The following SRCAP variants were observed in gnomAD, a reference collection of about 807,000 sequenced individuals.
SRCAP encodes Snf2 related CREBBP activator protein, also known as chromatin remodeling protein SRCAP.
A neutral mutation model predicts 263.1 loss-of-function variants in SRCAP; 46 were observed. The observed-to-expected ratio is 0.17, with a 90% CI of 0.14 to 0.22. The LOEUF is 0.22. SRCAP is among the 10% of genes least tolerant of loss of function. The probability of loss-of-function intolerance (pLI) is 1.00; values close to 1 mark genes in which losing one functional copy is unlikely to be tolerated. For synonymous variants in SRCAP, 1,813 were observed against 1,662.1 expected (o/e 1.09, Z -2.21); for missense variants, 3,695 against 4,181.9 (o/e 0.88, Z 3.21).
intron 21 of SRCAP, among the ~76,000 whole-genome samples, chr16:30,721,832 A>T (rs796354576): frequency 5.9e-5 from 9 of 152,338 alleles, no homozygotes; most frequent in African/African-American, 2.2e-4. Context: ...GTAGAAAAGT[A>T]TTGGGGTAAA....
At position 30,736,358 on chromosome 16, in the gene SRCAP, C is replaced by T. The variant is rs550188188; in HGVS notation, c.6888C>T (p.Ser2296=). 6.2e-7 allele frequency: 1 copy of T among 1,613,632 alleles called. No individual in the cohort carries two copies. The highest frequency in any genetic ancestry group is 1.7e-5 in the Admixed American group (1 of 59,974). Residue 2296 remains serine (S), a synonymous_variant, in exon 32 of 34, where the codon TCC becomes TCT. Transcript: ENST00000262518. ...GRPGAEDEEM[S]RAEQEIAALV... ...CTGGGGCTGAGGATGAGGAGATGTCCCGGGCTGAGCAGGAAATTGCTGCCC... is the reference window on the plus strand; with the variant it reads ...CTGGGGCTGAGGATGAGGAGATGTCTCGGGCTGAGCAGGAAATTGCTGCCC...
At position 30,737,305 on chromosome 16, in the gene SRCAP, GCAC is replaced by G. The variant is rs751855130; in HGVS notation, c.7272_7274del (p.Thr2425del). ...GTCATATCCGCCCATCAAACTCGCA[GCAC>G]CACCACACCACCCCGCTGCAGTCCT... On this transcript the variant is annotated inframe_deletion, in exon 34 of 34. Coordinates refer to ENST00000262518, the MANE Select transcript of SRCAP (RefSeq NM_006662.3). 1.2e-6 allele frequency: 2 copies of G among 1,614,054 alleles called. No homozygotes were observed. Among genetic ancestry groups the G allele is most frequent in the Non-Finnish European group, 1.7e-6 (2 of 1,180,002 alleles).
intron 16 of SRCAP, among the ~76,000 whole-genome samples, chr16:30,714,349 C>T (rs1368292037): frequency 6.6e-6 from 1 of 151,626 alleles, no homozygotes; most frequent in African/African-American, 2.4e-5. Flanking sequence ...TAGGCATGAG[C>T]CACCGCGCCC....
intron 14 of SRCAP, 52 bp from the exon 15 acceptor site, chr16:30,713,156 G>GCT: frequency 6.4e-7 from 1 of 1,569,444 alleles, no homozygotes; most frequent in Non-Finnish European, 8.7e-7. Flanking sequence ...TCTTCCCTTT[G>GCT]CTCTCTTCTT....
intron 6 of SRCAP, among the ~76,000 whole-genome samples, chr16:30,708,447 G>C (rs1251161857): frequency 6.6e-6 from 1 of 151,824 alleles, no homozygotes; most frequent in Non-Finnish European, 1.5e-5. Context: ...GTCACCTAGG[G>C]CAGTGGCGCA....
At chr16:30,718,981 C>G (rs2052981791) in intron 18 of SRCAP, among the ~76,000 whole-genome samples, 1 of 151,488 alleles carries the variant, frequency 6.6e-6, no homozygotes, top group South Asian at 2.1e-4. Context: ...ATTGCAACCT[C>G]TGCGTCTTGG....
intron 18 of SRCAP, among the ~76,000 whole-genome samples, chr16:30,719,059 A>G (rs1319600770): frequency 6.6e-6 from 1 of 151,154 alleles, no homozygotes; most frequent in Admixed American, 6.6e-5. Flanking sequence ...GTGCACAACC[A>G]TGCTGGTTGT....
chr16:30,712,835 C>T lies in SRCAP; in HGVS notation c.2130+20C>T, dbSNP rs374688004. The T allele has an allele frequency of 4.3e-6, 7 of 1,612,314 alleles. No individual in the cohort carries two copies. The highest frequency in any genetic ancestry group is 5.9e-6 in the Non-Finnish European group (7 of 1,179,022). On this transcript the variant is annotated intron_variant, in intron 14 of 33. Transcript: ENST00000262518. ...CGGCAGGTTCGATGTTTCATGTGGT[C>T]ACTTTCCTCCCATTGATGCCTCCTT...
At chr16:30,712,920 A>AT in intron 14 of SRCAP, 105 bp downstream of exon 14, 1 of 1,386,640 alleles carries the variant, frequency 7.2e-7, no homozygotes, top group Non-Finnish European at 9.6e-7. Context: ...TTTAAAAAAA[A>AT]TTTTTTAATT....
chr16:30,711,688 C>A lies in SRCAP; in HGVS notation c.1436C>A (p.Pro479Gln). 6.2e-7 allele frequency: 1 copy of A among 1,613,978 alleles called. No individual in the cohort carries two copies. The highest frequency in any genetic ancestry group is 8.5e-7 in the Non-Finnish European group (1 of 1,179,992). ...GATGCTAATAGCTCTGACTGTGAAC[C>A]AGAGGGGCCCGTGGAAGCGGAAGAG... ...EVDANSSDCE[P>Q]EGPVEAEEPP... is the part of the protein sequence containing the mutation. The change falls in exon 11 of 34, where the codon CCA becomes CAA. Residue 479 changes from proline to glutamine, a missense_variant. Physicochemically the swap from Pro to Gln is moderately conservative, Grantham distance 76 (BLOSUM62 -1). Around this residue, in one of 12 missense-constraint regions of SRCAP, gnomAD observed 288 missense variants for 302.4 expected, o/e 0.95. Coordinates refer to ENST00000262518, the MANE Select transcript of SRCAP (RefSeq NM_006662.3).
At chr16:30,703,992 T>C (rs2052797616) in intron 3 of SRCAP, 72 bp from the exon 4 acceptor site, 1 of 1,504,262 alleles carries the variant, frequency 6.6e-7, no homozygotes, top group Non-Finnish European at 8.9e-7. Flanking sequence ...GAAGATCGGA[T>C]GAAATAATGT....
rs1567248756 is a variant in SRCAP at position 30,724,893 on chromosome 16, TGTG to T, written c.5472_5474del (p.Val1825del). On this transcript the variant is annotated inframe_deletion, in exon 25 of 34. Coordinates refer to ENST00000262518, the MANE Select transcript of SRCAP (RefSeq NM_006662.3). Reference sequence around the variant, plus strand: ...CCCCAGCTTCCCAGGCATCTTCCCTTGTGGTTTCGGCATCTGGTGCCGCTCCCT... The same window carrying T: ...CCCCAGCTTCCCAGGCATCTTCCCTTGTTTCGGCATCTGGTGCCGCTCCCT... The T allele has an allele frequency of 6.2e-7, 1 of 1,614,190 alleles. No homozygotes were observed. Among genetic ancestry groups the T allele is most frequent in the South Asian group, 1.1e-5 (1 of 91,084 alleles).
At chr16:30,728,238 C>G (rs534245447) in intron 25 of SRCAP, among the ~76,000 whole-genome samples, 1 of 152,278 alleles carries the variant, frequency 6.6e-6, no homozygotes, top group African/African-American at 2.4e-5. Context: ...GTGCTAGTTA[C>G]TGAGTGATTA....
intron 6 of SRCAP, among the ~76,000 whole-genome samples, chr16:30,708,698 A>T (rs918873997): frequency 1.3e-5 from 2 of 152,150 alleles, no homozygotes; most frequent in Admixed American, 1.3e-4. Context: ...CTGGCCTAAA[A>T]ATATTTTTTT....
In SRCAP at chr16:30,723,040, G is replaced by T; in HGVS notation, c.3970G>T (p.Val1324Phe). The change falls in exon 24 of 34, where the codon GTT (valine) becomes TTT (phenylalanine). Residue 1324 changes from valine (V) to phenylalanine (F), a missense_variant. By Grantham distance (50) the Val-to-Phe change is conservative. Transcript: ENST00000262518. ...AGCCCCTCGGGATGGACTGACTCCT[G>T]TTCCTCCATTGGCCCCAGCACCCCG... ...RQAPRDGLTPVPPLAPAPRPP... is the reference protein window; with the variant it reads ...RQAPRDGLTPFPPLAPAPRPP... 1 of 1,614,056 alleles carries T rather than the reference G, an allele frequency of 6.2e-7. No homozygotes were observed. The highest frequency in any genetic ancestry group is 8.5e-7 in the Non-Finnish European group (1 of 1,180,022).
intron 3 of SRCAP, 138 bp from the exon 4 acceptor site, chr16:30,703,926 A>T (rs899740334): frequency 2.8e-6 from 3 of 1,061,052 alleles, no homozygotes; most frequent in African/African-American, 1.6e-5. Context: ...TTTATCCCGA[A>T]CGTTTGTGTT....
In SRCAP at chr16:30,733,024, C is replaced by T. The variant is rs1447679786; in HGVS notation, c.6128-256C>T. ...CTAATTTTTGTGTTTTTAGTAGAGA[C>T]AGGGTCTCATCATGTTGGCCAGGCT... is the stretch of plus-strand genomic sequence containing the variant. On this transcript the variant is annotated intron_variant, in intron 27 of 33. Coordinates refer to ENST00000262518, the MANE Select transcript of SRCAP (RefSeq NM_006662.3). This position sits in a 1 kb window ranked among gnomAD's most constrained non-coding sequence, Gnocchi z 5.3. 6.6e-6 allele frequency among the ~76,000 whole-genome samples: 1 copy of T among 152,132 alleles called. No homozygotes were observed. Among genetic ancestry groups the T allele is most frequent in the Non-Finnish European group, 1.5e-5 (1 of 68,034 alleles).
rs1298797726 is a variant in SRCAP at position 30,713,621 on chromosome 16, C to T, written c.2403C>T (p.Arg801=). The change falls in exon 16 of 34, where the codon CGC becomes CGT. Residue 801 remains arginine (R), a synonymous_variant. Coordinates refer to ENST00000262518, the MANE Select transcript of SRCAP (RefSeq NM_006662.3). ...TGCCCCATGTCTTCCAGTCTCATCGCGAGTTCAAGGAGTGGTTCTCTAATC... is the reference window on the plus strand; with the variant it reads ...TGCCCCATGTCTTCCAGTCTCATCGTGAGTTCAAGGAGTGGTTCTCTAATC... ...FLMPHVFQSH[R]EFKEWFSNPL... The T allele has an allele frequency of 1.2e-6, 2 of 1,613,994 alleles. No individual in the cohort carries two copies. The highest frequency in any genetic ancestry group is 1.7e-6 in the Non-Finnish European group (2 of 1,180,036).
rs548827970 is a variant in SRCAP at position 30,713,937 on chromosome 16, G to A, written c.2493+226G>A. ...TTTTGAGACTGAGTCTTGCTTTGTC[G>A]CCCAGGCTGGAGTGCAGTGTTGCAA... is the stretch of plus-strand genomic sequence containing the variant. On this transcript the variant is annotated intron_variant, in intron 16 of 33. Coordinates refer to ENST00000262518, the MANE Select transcript of SRCAP (RefSeq NM_006662.3). Among the ~76,000 whole-genome samples the A allele has an allele frequency of 5.5e-5, 8 of 144,762 alleles. No homozygotes were observed. The South Asian group carries it at 6.5e-4, about 12-fold the overall frequency. 95.0% of individuals were successfully genotyped at this position (144,762 alleles called of 152,430 possible).
Sources: gnomAD v4.1 joint callset for allele counts (sites outside exome capture counted in the v4.1 genomes callset) on GRCh38, gnomAD v4.1.1 for gene constraint, gnomAD v4.1.1 regional missense constraint, Gnocchi (gnomAD v3.1) non-coding constraint, MANE v1.5 for transcripts, NCBI Gene and HGNC (gene_info 2026-07-23, HGNC 2026-07-21) for gene names.